CNTN1: variants seen among roughly 807,000 people sequenced by gnomAD.
The protein encoded by CNTN1 is contactin 1.
In CNTN1, 38 loss-of-function variants were observed where a neutral mutation model predicts 126.4. That is an observed-to-expected ratio of 0.30 (90% CI 0.23 to 0.39). CNTN1 has a LOEUF of 0.39. CNTN1 is among the 10% of genes least tolerant of loss of function. The pLI, the probability that CNTN1 is intolerant of heterozygous loss-of-function variation, is 1.00. For missense variants in CNTN1, 1,009 were observed against 1,248.4 expected, an observed-to-expected ratio of 0.81 and a Z score of 2.89; for synonymous variants, 413 against 422.6, an observed-to-expected ratio of 0.98 and a Z score of 0.28.
intron 11 of CNTN1, among the ~76,000 whole-genome samples, chr12:40,938,855 G>A (rs982296180): frequency 1.3e-5 from 2 of 152,112 alleles, no homozygotes; most frequent in Admixed American, 6.6e-5. Flanking sequence ...CTTCACTGCA[G>A]CCTTGACCTT....
chr12:40,820,295 C>T (rs1290899636), intron 1 of CNTN1, among the ~76,000 whole-genome samples: 2 of 152,284 alleles, frequency 1.3e-5, no homozygotes, highest in African/African-American at 4.8e-5. Flanking sequence ...TCCCCATGAC[C>T]CAGACACCTC....
chr12:40,835,999 T>TGC, intron 1 of CNTN1, among the ~76,000 whole-genome samples: 1 of 64,720 alleles, frequency 1.5e-5, no homozygotes, highest in Non-Finnish European at 3.5e-5. Flanking sequence ...TGTGTGTGTG[T>TGC]GTGTGTGTGT....
chr12:40,861,923 C>G (rs1943127072), intron 1 of CNTN1, among the ~76,000 whole-genome samples: 1 of 151,726 alleles, frequency 6.6e-6, no homozygotes, highest in East Asian at 1.9e-4. Context: ...TATTTTTGTT[C>G]TAGATAGTGA....
At chr12:40,841,010 A>C (rs1295471923) in intron 1 of CNTN1, among the ~76,000 whole-genome samples, 1 of 151,974 alleles carries the variant, frequency 6.6e-6, no homozygotes, top group African/African-American at 2.4e-5. Flanking sequence ...TCAGTAAAAC[A>C]AAAAGTTGGT....
At position 40,846,377 on chromosome 12, in the gene CNTN1, A is replaced by G. The variant is rs558644667; in HGVS notation, c.-76-61980A>G. Among the ~76,000 whole-genome samples, 83 of 152,312 alleles carry G rather than the reference A, an allele frequency of 5.4e-4. 1 individual carries two copies. The East Asian group carries it at 0.015, about 27-fold the overall frequency. ...CAGCTATTCGGGAGGCTGAGGCAGG[A>G]GAATGGCGTGAATCCCGGGGGCGGA... On this transcript the variant is annotated intron_variant, in intron 1 of 23. Coordinates refer to ENST00000551295, the MANE Select transcript of CNTN1 (RefSeq NM_001843.4).
intron 17 of CNTN1, among the ~76,000 whole-genome samples, chr12:41,010,094 C>A (rs187995109): frequency 3.3e-5 from 5 of 151,886 alleles, no homozygotes; most frequent in African/African-American, 9.7e-5. Flanking sequence ...GAGGGGAGGC[C>A]TGGATTAGAG....
chr12:41,006,204 G>A (rs1165055480), intron 17 of CNTN1, among the ~76,000 whole-genome samples: 1 of 152,100 alleles, frequency 6.6e-6, no homozygotes, highest in Non-Finnish European at 1.5e-5. Context: ...CCCAATTCCT[G>A]GACTGCATGC....
At chr12:40,916,121 T>C (rs986917705) in intron 3 of CNTN1, among the ~76,000 whole-genome samples, 2 of 152,164 alleles carry the variant, frequency 1.3e-5, no homozygotes, top group Non-Finnish European at 2.9e-5. Flanking sequence ...TAAATATTTA[T>C]GAACTTAGAC....
At chr12:41,035,545 C>A (rs1268587542) in intron 23 of CNTN1, among the ~76,000 whole-genome samples, 1 of 151,998 alleles carries the variant, frequency 6.6e-6, no homozygotes, top group Admixed American at 6.6e-5. Flanking sequence ...AATAAAGAAC[C>A]AACAAACAAA....
At chr12:40,886,199 A>G (rs796194825) in intron 1 of CNTN1, among the ~76,000 whole-genome samples, 41 of 152,038 alleles carry the variant, frequency 2.7e-4, no homozygotes, top group African/African-American at 8.9e-4. Flanking sequence ...ATTTTGAACT[A>G]TATTTGCCTA....
chr12:40,849,900 T>C (rs937081570), intron 1 of CNTN1, among the ~76,000 whole-genome samples: 5 of 151,948 alleles, frequency 3.3e-5, no homozygotes, highest in African/African-American at 1.2e-4. Flanking sequence ...ATATAGTACA[T>C]ACAGTATATA....
rs1178155170 is a variant in CNTN1 at position 40,933,756 on chromosome 12, T to A, written c.863T>A (p.Ile288Asn). The A allele has an allele frequency of 1.2e-6, 2 of 1,612,864 alleles. No individual in the cohort carries two copies. Among genetic ancestry groups the A allele is most frequent in the Non-Finnish European group, 1.7e-6 (2 of 1,179,142 alleles). ...VLEPMPSTAE[I>N]STSGAVLKIF... ...GAACCAATGCCAAGCACTGCTGAGA[T>A]TAGCACCTCTGGGGCTGTTCTTAAG... The change falls in exon 9 of 24, where the codon ATT becomes AAT. Residue 288 changes from isoleucine to asparagine, a missense_variant. Ile to Asn is a moderately radical substitution (Grantham distance 149). Coordinates refer to ENST00000551295, the MANE Select transcript of CNTN1 (RefSeq NM_001843.4).
At chr12:40,833,302 G>T (rs1158873679) in intron 1 of CNTN1, among the ~76,000 whole-genome samples, 1 of 151,952 alleles carries the variant, frequency 6.6e-6, no homozygotes, top group Non-Finnish European at 1.5e-5. Context: ...CACCATGTTG[G>T]CCAGGCTGGT....
chr12:40,712,032 A>C, intron 1 of CNTN1, among the ~76,000 whole-genome samples: 1 of 151,990 alleles, frequency 6.6e-6, no homozygotes, highest in Non-Finnish European at 1.5e-5. Flanking sequence ...AAATTTCTTT[A>C]AACATTCATC....
intron 1 of CNTN1, among the ~76,000 whole-genome samples, chr12:40,841,596 A>C (rs1173795382): frequency 2.6e-5 from 4 of 152,140 alleles, no homozygotes; most frequent in African/African-American, 9.6e-5. Flanking sequence ...AGTGGCATTT[A>C]TACCAGGTAT....
rs115198287 is a variant in CNTN1, at chr12:40,851,231, A to T, written c.-76-57126A>T. Among the ~76,000 whole-genome samples, 1,262 of 152,276 alleles carry T rather than the reference A, an allele frequency of 8.3e-3. 17 individuals carry two copies. The highest frequency in any genetic ancestry group is 0.029 in the African/African-American group (1,199 of 41,542). ...TCAAATAACATTTTAGTAAAATTAGAGCTTAGAAATAGGTGTGACTCTCGT... is the reference window on the plus strand; with the variant it reads ...TCAAATAACATTTTAGTAAAATTAGTGCTTAGAAATAGGTGTGACTCTCGT... On this transcript the variant is annotated intron_variant, in intron 1 of 23. Transcript: ENST00000551295.
At chr12:40,920,101 T>C (rs1945383276) in intron 4 of CNTN1, among the ~76,000 whole-genome samples, 1 of 152,222 alleles carries the variant, frequency 6.6e-6, no homozygotes, top group South Asian at 2.1e-4. Context: ...ATTTTTTCAT[T>C]ATTTATCTAT....
At chr12:40,945,626 A>G (rs371163536) in intron 14 of CNTN1, among the ~76,000 whole-genome samples, 37 of 152,048 alleles carry the variant, frequency 2.4e-4, no homozygotes, top group African/African-American at 8.2e-4. Flanking sequence ...TAAAATACTA[A>G]TTACATTGTG....
At chr12:40,727,443 T>TA (rs951020452) in intron 1 of CNTN1, among the ~76,000 whole-genome samples, 29 of 144,052 alleles carry the variant, frequency 2.0e-4, no homozygotes, top group Non-Finnish European at 2.8e-4. Flanking sequence ...CATCACAGAT[T>TA]AAAAAAAAAA....
Sources: gnomAD v4.1 joint callset for allele counts (sites outside exome capture counted in the v4.1 genomes callset) on GRCh38, gnomAD v4.1.1 for gene constraint, MANE v1.5 for transcripts, NCBI Gene and HGNC (gene_info 2026-07-23, HGNC 2026-07-21) for gene names.